Variants in RYR2 observed in about 807,000 individuals in gnomAD.
RYR2 encodes ryanodine receptor 2.
A neutral mutation model predicts 601.1 loss-of-function variants in RYR2; 227 were observed. That is an observed-to-expected ratio of 0.38 (90% CI 0.34 to 0.42). RYR2 has a LOEUF of 0.42. RYR2 is among the 10% of genes least tolerant of loss of function. The pLI, the probability that RYR2 is intolerant of heterozygous loss-of-function variation, is 1.00. For synonymous variants in RYR2, 2,223 were observed against 2,175.1 expected, an observed-to-expected ratio of 1.02 and a Z score of -0.61; for missense variants, 4,646 against 6,156.5, an observed-to-expected ratio of 0.75 and a Z score of 8.21.
Position 237,138,016 on chromosome 1 carries a change from ATATTT to A in RYR2, c.48+95474_48+95478del, listed in dbSNP as rs376745141. On this transcript the variant is annotated intron_variant, in intron 1 of 104. Transcript: ENST00000366574. ...TAATTTTACCACTTTTGCACTGGAT[ATATTT>A]TATTTTATTTTATTTTATTTTATTT... Among the ~76,000 whole-genome samples, 324 of 151,486 alleles carry A rather than the reference ATATTT, an allele frequency of 2.1e-3. 1 individual carries two copies. Among genetic ancestry groups the A allele is most frequent in the African/African-American group, 6.4e-3 (264 of 41,026 alleles).
At chr1:237,306,881 G>C (rs536848649) in intron 2 of RYR2, among the ~76,000 whole-genome samples, 1 of 152,066 alleles carries the variant, frequency 6.6e-6, no homozygotes, top group African/African-American at 2.4e-5. Context: ...TCAGTTCATC[G>C]TTTCTACTGT....
chr1:237,749,808 T>C (rs1311247661), intron 80 of RYR2, among the ~76,000 whole-genome samples: 1 of 152,120 alleles, frequency 6.6e-6, no homozygotes, highest in African/African-American at 2.4e-5. Context: ...GAAAATAAAC[T>C]CCCTGTGTTT....
chr1:237,434,939 C>T (rs987431690), intron 12 of RYR2, among the ~76,000 whole-genome samples: 3 of 152,014 alleles, frequency 2.0e-5, no homozygotes, highest in African/African-American at 7.2e-5. Flanking sequence ...TCACACCCAG[C>T]AAATTTTTGT....
chr1:237,194,252 A>C (rs1242988282), intron 1 of RYR2, among the ~76,000 whole-genome samples: 7 of 152,062 alleles, frequency 4.6e-5, no homozygotes, highest in Admixed American at 4.6e-4. Flanking sequence ...GCTTGGAGAG[A>C]CCCGGATTAG....
chr1:237,783,866 A>G lies in RYR2; in HGVS notation c.12154A>G (p.Met4052Val). Residue 4052 changes from methionine (M) to valine (V), a missense_variant, in exon 90 of 105, where the codon ATG becomes GTG. Physicochemically the swap from Met to Val is conservative, Grantham distance 21. Coordinates refer to ENST00000366574, the MANE Select transcript of RYR2 (RefSeq NM_001035.3). Reference protein sequence around the residue: ...VISKRDFHKAMESHKHYTQSE... With the variant: ...VISKRDFHKAVESHKHYTQSE... ...TTCCAAGAGGGACTTCCACAAAGCG[A>G]TGGAGAGCCATAAGCACTACACGCA... 6.2e-7 allele frequency: 1 copy of G among 1,613,890 alleles called. No individual in the cohort carries two copies. Among genetic ancestry groups the G allele is most frequent in the Non-Finnish European group, 8.5e-7 (1 of 1,179,856 alleles).
intron 12 of RYR2, among the ~76,000 whole-genome samples, chr1:237,426,180 G>A (rs1323117092): frequency 1.3e-5 from 2 of 152,118 alleles, no homozygotes; most frequent in Non-Finnish European, 2.9e-5. Context: ...TTCAACTCCT[G>A]TTCTGGGTTA....
At chr1:237,409,184 G>T (rs553545870) in intron 10 of RYR2, among the ~76,000 whole-genome samples, 1 of 152,072 alleles carries the variant, frequency 6.6e-6, no homozygotes, top group African/African-American at 2.4e-5. Flanking sequence ...GCATTATCTA[G>T]AACTTCTGTT....
intron 1 of RYR2, among the ~76,000 whole-genome samples, chr1:237,219,600 C>T (rs901820785): frequency 2.6e-5 from 4 of 152,050 alleles, no homozygotes; most frequent in Admixed American, 6.6e-5. Flanking sequence ...CCTTGGGGCA[C>T]GTGGCTGTGT....
At chr1:237,545,413 G>A (rs993697743) in intron 25 of RYR2, among the ~76,000 whole-genome samples, 16 of 152,156 alleles carry the variant, frequency 1.1e-4, no homozygotes, top group African/African-American at 3.9e-4. Flanking sequence ...TCCTCTTTGG[G>A]AATGCATGTA....
At chr1:237,583,020 G>A (rs2148384598) in intron 29 of RYR2, among the ~76,000 whole-genome samples, 1 of 151,662 alleles carries the variant, frequency 6.6e-6, no homozygotes, top group East Asian at 1.9e-4. Context: ...TTCCACAGTG[G>A]CTCAACTTAT....
At chr1:237,634,132 A>G (rs1004769377) in intron 43 of RYR2, among the ~76,000 whole-genome samples, 3 of 152,212 alleles carry the variant, frequency 2.0e-5, no homozygotes, top group South Asian at 2.1e-4. Context: ...GAAATGAATA[A>G]TCAGTATGTC....
chr1:237,814,090 A>G (rs1223455990), intron 100 of RYR2, among the ~76,000 whole-genome samples: 2 of 152,218 alleles, frequency 1.3e-5, no homozygotes, highest in South Asian at 2.1e-4. Context: ...TGACATTCCA[A>G]TTGTAGCGTC....
chr1:237,087,492 T>G (rs190777082), intron 1 of RYR2, among the ~76,000 whole-genome samples: 10 of 152,316 alleles, frequency 6.6e-5, no homozygotes, highest in African/African-American at 2.4e-4. Context: ...GTGAGAAGTA[T>G]AATGAGTAAT....
chr1:237,800,835 T>C (rs1407769620), intron 97 of RYR2, among the ~76,000 whole-genome samples: 1 of 152,196 alleles, frequency 6.6e-6, no homozygotes, highest in Non-Finnish European at 1.5e-5. Context: ...TATTTAGACA[T>C]TCAGTGTGTG....
At chr1:237,658,089 T>C in intron 54 of RYR2, 67 bp downstream of exon 54, 1 of 891,520 alleles carries the variant, frequency 1.1e-6, no homozygotes, top group Non-Finnish European at 1.6e-6. Flanking sequence ...CAAATATTTC[T>C]GACCATGACA....
chr1:237,108,118 A>T (rs939408077), intron 1 of RYR2, among the ~76,000 whole-genome samples: 1 of 152,128 alleles, frequency 6.6e-6, no homozygotes, highest in Middle Eastern at 3.2e-3. Context: ...ATCCTAGAAT[A>T]TTCTTTAGGG....
At chr1:237,088,958 GA>G (rs1342739853) in intron 1 of RYR2, among the ~76,000 whole-genome samples, 29 of 152,292 alleles carry the variant, frequency 1.9e-4, no homozygotes, top group African/African-American at 6.7e-4. Context: ...ACTGTAACAG[GA>G]GAAGCCTTTT....
At chr1:237,307,464 C>T (rs150819210) in intron 2 of RYR2, among the ~76,000 whole-genome samples, 56 of 152,286 alleles carry the variant, frequency 3.7e-4, no homozygotes, top group African/African-American at 7.0e-4. Context: ...CATTATTGTA[C>T]ATTATTGTAA....
intron 68 of RYR2, among the ~76,000 whole-genome samples, chr1:237,707,852 A>C (rs935728549): frequency 2.0e-5 from 3 of 151,744 alleles, no homozygotes; most frequent in Admixed American, 6.6e-5. Flanking sequence ...GCTCACTGCA[A>C]CCTCCGCCTC....
Sources: gnomAD v4.1 joint callset for allele counts (sites outside exome capture counted in the v4.1 genomes callset) on GRCh38, gnomAD v4.1.1 for gene constraint, MANE v1.5 for transcripts, NCBI Gene and HGNC (gene_info 2026-07-23, HGNC 2026-07-21) for gene names.